The following KLHL1 variants were observed in gnomAD, a reference collection of about 807,000 sequenced individuals.
KLHL1 encodes kelch-like protein 1.
Under a neutral mutation model 77.7 loss-of-function variants are expected in KLHL1, and 47 were observed. The ratio of observed to expected loss-of-function variants is 0.60; its 90% CI spans 0.48 to 0.77. KLHL1 has a LOEUF of 0.77. KLHL1 is among the 30% of genes least tolerant of loss of function. KLHL1 has a pLI of 0.00. For missense variants in KLHL1, 925 were observed against 910.8 expected, an observed-to-expected ratio of 1.02 and a Z score of -0.20; for synonymous variants, 360 against 325.2, an observed-to-expected ratio of 1.11 and a Z score of -1.15.
At chr13:70,044,928 T>C (rs1218401385) in intron 1 of KLHL1, among the ~76,000 whole-genome samples, 2 of 152,192 alleles carry the variant, frequency 1.3e-5, no homozygotes, top group African/African-American at 2.4e-5. Context: ...GTATTGACTA[T>C]GACTCACAGA....
chr13:69,913,378 T>C (rs933594878), intron 4 of KLHL1, among the ~76,000 whole-genome samples: 2 of 152,172 alleles, frequency 1.3e-5, no homozygotes, highest in Non-Finnish European at 2.9e-5. Context: ...TGCACTACCA[T>C]GGCCACTGCT....
At chr13:70,023,081 A>C (rs1028686006) in intron 1 of KLHL1, among the ~76,000 whole-genome samples, 7 of 151,890 alleles carry the variant, frequency 4.6e-5, no homozygotes, top group Non-Finnish European at 8.8e-5. Context: ...TATTCACTAT[A>C]CCTAGAGTGC....
intron 1 of KLHL1, among the ~76,000 whole-genome samples, chr13:70,062,135 C>G (rs1333160256): frequency 6.6e-6 from 1 of 152,120 alleles, no homozygotes; most frequent in Non-Finnish European, 1.5e-5. Context: ...GTATCTGATT[C>G]CAGCTACTAC....
intron 3 of KLHL1, among the ~76,000 whole-genome samples, chr13:69,952,668 C>A (rs76188093): frequency 0.01 from 1,562 of 151,438 alleles, 27 homozygotes; most frequent in African/African-American, 0.035. Flanking sequence ...TTCCAGCTAA[C>A]ATGTGTTTTC....
At chr13:70,041,267 G>C (rs1381273591) in intron 1 of KLHL1, among the ~76,000 whole-genome samples, 1 of 152,076 alleles carries the variant, frequency 6.6e-6, no homozygotes, top group Non-Finnish European at 1.5e-5. Context: ...TCTTCATTCA[G>C]TTGGAGATCT....
At chr13:69,951,170 T>C (rs1228614834) in intron 3 of KLHL1, among the ~76,000 whole-genome samples, 3 of 151,646 alleles carry the variant, frequency 2.0e-5, no homozygotes, top group Admixed American at 6.6e-5. Flanking sequence ...ACATTACTTA[T>C]TGTGAAAATT....
chr13:69,988,090 G>GGA (rs1179030799), intron 1 of KLHL1, among the ~76,000 whole-genome samples: 16 of 150,586 alleles, frequency 1.1e-4, no homozygotes, highest in African/African-American at 3.7e-4. Flanking sequence ...GCTTTTTTTT[G>GGA]GCGGGGGGAA....
At chr13:69,727,633 G>A (rs553880303) in intron 8 of KLHL1, among the ~76,000 whole-genome samples, 2 of 152,198 alleles carry the variant, frequency 1.3e-5, no homozygotes, top group South Asian at 4.2e-4. Context: ...ACCTGGAAAT[G>A]ACCATGCTCA....
At chr13:69,789,673 T>G (rs1876768228) in intron 7 of KLHL1, among the ~76,000 whole-genome samples, 1 of 152,294 alleles carries the variant, frequency 6.6e-6, no homozygotes, top group South Asian at 2.1e-4. Context: ...GAAACATATA[T>G]AGACATCAGT....
intron 1 of KLHL1, among the ~76,000 whole-genome samples, chr13:70,066,830 C>A (rs1330088770): frequency 6.6e-6 from 1 of 152,092 alleles, no homozygotes; most frequent in African/African-American, 2.4e-5. Flanking sequence ...ATGAAAGTGG[C>A]CAAATTTTAT....
chr13:69,878,707 TATATAGAGAGAG>T, intron 5 of KLHL1, among the ~76,000 whole-genome samples: 1 of 149,832 alleles, frequency 6.7e-6, no homozygotes, highest in African/African-American at 2.5e-5. Flanking sequence ...CATATATATA[TATATAGAGAGAG>T]AGAGAGAGAG....
chr13:69,999,592 A>G (rs1885237339), intron 1 of KLHL1, among the ~76,000 whole-genome samples: 1 of 152,100 alleles, frequency 6.6e-6, no homozygotes, highest in South Asian at 2.1e-4. Flanking sequence ...ATAACTAAGC[A>G]AAAATCAGGT....
intron 1 of KLHL1, among the ~76,000 whole-genome samples, chr13:69,983,548 C>T (rs1302994912): frequency 7.4e-6 from 1 of 135,872 alleles, no homozygotes; most frequent in African/African-American, 3.0e-5. Context: ...TGAGACCATC[C>T]TGGCAACAAT....
intron 9 of KLHL1, among the ~76,000 whole-genome samples, chr13:69,718,498 C>G (rs1401785100): frequency 6.6e-6 from 1 of 151,944 alleles, no homozygotes; most frequent in Non-Finnish European, 1.5e-5. Context: ...TATTAAACCA[C>G]TGAGAGTTTT....
intron 7 of KLHL1, among the ~76,000 whole-genome samples, chr13:69,784,314 G>C (rs994566157): frequency 1.3e-5 from 2 of 149,614 alleles, no homozygotes; most frequent in African/African-American, 5.1e-5. Flanking sequence ...ATAATGACAG[G>C]ACCAAACTCA....
Position 70,073,073 on chromosome 13 carries a change from G to A in KLHL1, c.497+34130C>T, listed in dbSNP as rs550635401. Among the ~76,000 whole-genome samples, 15 of 152,182 alleles carry A rather than the reference G, an allele frequency of 9.9e-5. No homozygotes were observed. The East Asian group carries it at 2.7e-3, about 27-fold the overall frequency. ...TCCCATTACTGGGTATATACCCAAA[G>A]GATTATAAATCATGCTGCTATAAAG... On this transcript the variant is annotated intron_variant, in intron 1 of 10. Coordinates refer to ENST00000377844, the MANE Select transcript of KLHL1 (RefSeq NM_020866.3).
intron 7 of KLHL1, among the ~76,000 whole-genome samples, chr13:69,755,900 T>A (rs533832343): frequency 2.6e-5 from 4 of 151,210 alleles, no homozygotes; most frequent in Admixed American, 1.3e-4. Context: ...TAATCACTTA[T>A]TAGCTGTGGG....
chr13:69,770,783 C>T (rs981625198), intron 7 of KLHL1, among the ~76,000 whole-genome samples: 2 of 152,186 alleles, frequency 1.3e-5, no homozygotes, highest in Non-Finnish European at 2.9e-5. Flanking sequence ...GAGTCTCACT[C>T]TGTTGCCCAG....
intron 6 of KLHL1, among the ~76,000 whole-genome samples, chr13:69,808,745 T>C (rs971190137): frequency 6.6e-6 from 1 of 152,034 alleles, no homozygotes; most frequent in African/African-American, 2.4e-5. Flanking sequence ...ATGACAGATA[T>C]AGAATTAAGA....
Sources: gnomAD v4.1 joint callset for allele counts (sites outside exome capture counted in the v4.1 genomes callset) on GRCh38, gnomAD v4.1.1 for gene constraint, MANE v1.5 for transcripts, NCBI Gene and HGNC (gene_info 2026-07-23, HGNC 2026-07-21) for gene names.